Variants in IPO11 observed in about 807,000 individuals in gnomAD.
IPO11 encodes importin-11.
In IPO11, 66 loss-of-function variants were observed where a neutral mutation model predicts 143.2. That is an observed-to-expected ratio of 0.46 (90% CI 0.38 to 0.57). IPO11 has a LOEUF of 0.57. Ranked by LOEUF, IPO11 falls within the 20% of genes least tolerant of loss-of-function variation. The pLI is 0.00. For missense variants in IPO11, 1,026 were observed against 1,141.0 expected (o/e 0.90, Z 1.45); for synonymous variants, 385 against 377.8 (o/e 1.02, Z -0.22).
At chr5:62,563,300 G>C (rs1039074704) in intron 27 of IPO11, among the ~76,000 whole-genome samples, 19 of 152,064 alleles carry the variant, frequency 1.2e-4, no homozygotes, top group Non-Finnish European at 2.5e-4. Flanking sequence ...ATAAATTAAT[G>C]AATGGAAAAA....
chr5:62,471,998 G>A (rs560476199), intron 7 of IPO11, among the ~76,000 whole-genome samples: 2 of 152,188 alleles, frequency 1.3e-5, no homozygotes, highest in East Asian at 1.9e-4. Context: ...GTCAAGCCTC[G>A]ATTTAAATCC....
At chr5:62,581,106 AAAGGCATCAGAAAACTC>A (rs1446288693) in intron 27 of IPO11, 1 of 1,549,500 alleles carries the variant, frequency 6.5e-7, no homozygotes, top group South Asian at 1.2e-5. Context: ...AACAAAAACT[AAAGGCATCAGAAAACTC>A]AAGGGAAAAT....
chr5:62,438,759 A>G (rs1393644072), intron 2 of IPO11, among the ~76,000 whole-genome samples: 2 of 146,758 alleles, frequency 1.4e-5, no homozygotes, highest in South Asian at 2.2e-4. Context: ...TCTCAAAAAA[A>G]AAAGGGGGGG....
intron 10 of IPO11, 124 bp downstream of exon 10, chr5:62,483,417 A>T (rs1261381713): frequency 4.7e-6 from 3 of 636,788 alleles, no homozygotes; most frequent in Non-Finnish European, 7.8e-6. Flanking sequence ...CTGGGACATG[A>T]AAAAGATATA....
In IPO11 at chr5:62,598,802, C is replaced by G. The variant is rs192403493; in HGVS notation, c.2679-2962C>G. On this transcript the variant is annotated intron_variant, in intron 28 of 29. Coordinates refer to ENST00000325324, the MANE Select transcript of IPO11 (RefSeq NM_016338.5). ...TCAAGTGATCTGCTTGCCACAGACT[C>G]CCAAAGTGCTGGGATTACAGGTGTG... 1.9e-3 allele frequency among the ~76,000 whole-genome samples: 294 copies of G among 151,780 alleles called. 1 individual carries two copies. Among genetic ancestry groups the G allele is most frequent in the African/African-American group, 6.5e-3 (268 of 41,374 alleles).
At chr5:62,496,504 G>T (rs1421658941) in intron 16 of IPO11, among the ~76,000 whole-genome samples, 2 of 152,116 alleles carry the variant, frequency 1.3e-5, no homozygotes, top group African/African-American at 2.4e-5. Context: ...AGATTGTTCA[G>T]TAAGGCACCC....
intron 18 of IPO11, 125 bp downstream of exon 18, chr5:62,505,023 A>G (rs1234246533): frequency 2.0e-6 from 1 of 510,072 alleles, no homozygotes; most frequent in East Asian, 3.4e-5. Context: ...AGTATGCTGT[A>G]TTGGATTATT....
chr5:62,598,419 T>C (rs1473244753), intron 28 of IPO11, among the ~76,000 whole-genome samples: 7 of 43,128 alleles, frequency 1.6e-4, no homozygotes, highest in Admixed American at 2.6e-4. Context: ...TTTCTTTCTT[T>C]CTTTCTTTCT....
intron 24 of IPO11, among the ~76,000 whole-genome samples, chr5:62,544,586 G>A (rs1743086710): frequency 6.6e-6 from 1 of 152,146 alleles, no homozygotes; most frequent in African/African-American, 2.4e-5. Context: ...ACATAGTGTT[G>A]GAAGTTCTGG....
chr5:62,457,975 T>C (rs554011368), intron 5 of IPO11, among the ~76,000 whole-genome samples: 676 of 152,012 alleles, frequency 4.4e-3, no homozygotes, highest in South Asian at 0.017. Flanking sequence ...GGTGAAACCC[T>C]GTCTCTACTA....
At chr5:62,420,665 G>T (rs1405619566) in intron 1 of IPO11, among the ~76,000 whole-genome samples, 2 of 149,588 alleles carry the variant, frequency 1.3e-5, no homozygotes, top group African/African-American at 4.9e-5. Flanking sequence ...CTGCAGCCTT[G>T]ACCTCCTGGG....
chr5:62,461,149 G>A (rs1303903957), intron 5 of IPO11, among the ~76,000 whole-genome samples: 1 of 152,190 alleles, frequency 6.6e-6, no homozygotes, highest in Non-Finnish European at 1.5e-5. Flanking sequence ...TTTTGCAGTA[G>A]GGGAGAGAAA....
intron 28 of IPO11, among the ~76,000 whole-genome samples, chr5:62,593,424 A>G (rs1024741656): frequency 6.6e-6 from 1 of 152,116 alleles, no homozygotes; most frequent in African/African-American, 2.4e-5. Context: ...TGAGGCAGGC[A>G]AATTGCTTGA....
At chr5:62,523,000 C>T (rs190871268) in intron 20 of IPO11, among the ~76,000 whole-genome samples, 28 of 152,302 alleles carry the variant, frequency 1.8e-4, no homozygotes, top group African/African-American at 6.0e-4. Flanking sequence ...CACACACACA[C>T]CTCTCAAAAT....
chr5:62,532,718 T>A (rs950129610), intron 22 of IPO11, among the ~76,000 whole-genome samples: 12 of 152,202 alleles, frequency 7.9e-5, no homozygotes, highest in African/African-American at 2.9e-4. Flanking sequence ...ACCAAATCAA[T>A]AAGGACTTTT....
At chr5:62,475,670 T>C (rs184930447) in intron 8 of IPO11, among the ~76,000 whole-genome samples, 94 of 152,384 alleles carry the variant, frequency 6.2e-4, no homozygotes, top group East Asian at 3.9e-3. Context: ...CTTTTCGCTT[T>C]TAGTATTTGT....
At chr5:62,580,935 C>T (rs1174231181) in intron 27 of IPO11, 1 of 1,551,288 alleles carries the variant, frequency 6.4e-7, no homozygotes, top group Non-Finnish European at 8.7e-7. Flanking sequence ...TGGAAAAAAA[C>T]AGTGCTCTAC....
chr5:62,489,210 G>T, intron 13 of IPO11, 92 bp from the exon 14 acceptor site: 1 of 646,722 alleles, frequency 1.5e-6, no homozygotes, highest in Non-Finnish European at 2.4e-6. Context: ...TAATTGAATT[G>T]GGAAACTAAC....
chr5:62,559,916 CAAAAAAAAAA>C (rs759468696), intron 26 of IPO11, among the ~76,000 whole-genome samples: 1 of 17,028 alleles, frequency 5.9e-5, no homozygotes, highest in Non-Finnish European at 9.0e-5. Context: ...AACTCTGTCT[CAAAAAAAAAA>C]AAAAAAAAAA....
Sources: gnomAD v4.1 joint callset for allele counts (sites outside exome capture counted in the v4.1 genomes callset) on GRCh38, gnomAD v4.1.1 for gene constraint, MANE v1.5 for transcripts, NCBI Gene and HGNC (gene_info 2026-07-23, HGNC 2026-07-21) for gene names.